Variants in DTNA observed in about 807,000 individuals in gnomAD.
DTNA encodes the protein dystrobrevin alpha.
A neutral mutation model predicts 100.7 loss-of-function variants in DTNA; 43 were observed. The observed-to-expected ratio is 0.43, with a 90% CI of 0.33 to 0.55. The LOEUF is 0.55. Ranked by LOEUF, DTNA falls within the 20% of genes least tolerant of loss-of-function variation. The pLI is 0.04. For missense variants in DTNA, 798 were observed against 953.9 expected (o/e 0.84, Z 2.15); for synonymous variants, 349 against 347.9 (o/e 1.00, Z -0.04).
At chr18:34,559,125 A>G (rs544265548) in intron 1 of DTNA, among the ~76,000 whole-genome samples, 3 of 152,324 alleles carry the variant, frequency 2.0e-5, no homozygotes, top group East Asian at 3.9e-4. Context: ...GATACCCATA[A>G]TGCCTGATTT....
chr18:34,494,430 T>G (rs2038954942), intron 1 of DTNA, among the ~76,000 whole-genome samples: 1 of 152,000 alleles, frequency 6.6e-6, no homozygotes, highest in African/African-American at 2.4e-5. Flanking sequence ...TGTTGCCCAC[T>G]TCGAAGTTTT....
At chr18:34,827,459 T>C (rs2095884795) in intron 9 of DTNA, 134 bp from the exon 10 acceptor site, 6 of 805,394 alleles carry the variant, frequency 7.4e-6, no homozygotes, top group African/African-American at 5.1e-5. Context: ...TTGGAAAATA[T>C]AAGATTTCTT....
At chr18:34,535,491 GTTTA>G (rs2043608640) in intron 1 of DTNA, among the ~76,000 whole-genome samples, 1 of 144,828 alleles carries the variant, frequency 6.9e-6, no homozygotes, top group Admixed American at 6.6e-5. Flanking sequence ...TAGCTCTTTA[GTTTA>G]ATTAGATCCC....
chr18:34,722,606 T>TACACACACACACACACAC (rs71166022), intron 1 of DTNA, among the ~76,000 whole-genome samples: 1,832 of 147,174 alleles, frequency 0.012, 17 homozygotes, highest in Non-Finnish European at 0.02. Context: ...TATATATACA[T>TACACACACACACACACAC]ACACACACAC....
intron 11 of DTNA, among the ~76,000 whole-genome samples, chr18:34,832,973 A>C (rs541652865): frequency 1.2e-4 from 19 of 152,180 alleles, no homozygotes; most frequent in Non-Finnish European, 2.4e-4. Context: ...AATGTCATAC[A>C]AGCTTATTAA....
intron 1 of DTNA, among the ~76,000 whole-genome samples, chr18:34,594,371 G>C (rs2050159796): frequency 6.6e-6 from 1 of 152,184 alleles, no homozygotes; most frequent in East Asian, 1.9e-4. Context: ...TCTGCTCTTA[G>C]AGACAGCTCT....
chr18:34,799,056 C>T (rs2095105270), intron 4 of DTNA, among the ~76,000 whole-genome samples: 2 of 152,208 alleles, frequency 1.3e-5, no homozygotes, highest in East Asian at 1.9e-4. Context: ...CATTCCTAAT[C>T]TTTCCAGTTT....
chr18:34,684,783 A>G (rs1276983152), intron 1 of DTNA, among the ~76,000 whole-genome samples: 1 of 152,024 alleles, frequency 6.6e-6, no homozygotes, highest in Non-Finnish European at 1.5e-5. Context: ...AAGCATTCCT[A>G]TTTCTCCACA....
chr18:34,862,303 GA>G (rs1374185539), intron 16 of DTNA, among the ~76,000 whole-genome samples: 1 of 151,664 alleles, frequency 6.6e-6, no homozygotes, highest in Admixed American at 6.6e-5. Context: ...TCTGGATTCA[GA>G]AAAGAAGCAA....
rs542549059 is a variant in DTNA at position 34,602,832 on chromosome 18, G to A, written c.-2+109318G>A. On this transcript the variant is annotated intron_variant, in intron 1 of 19. Coordinates refer to the DTNA transcript ENST00000283365. The stretch of plus-strand genomic sequence containing the variant: ...CAGCCTGGCCACATAGTGAAACCCC[G>A]TCTCTACTAAAAATAAAAAAATCAG... Among the ~76,000 whole-genome samples, 18 of 151,570 alleles carry A rather than the reference G, an allele frequency of 1.2e-4. No individual in the cohort carries two copies. The South Asian group carries it at 3.1e-3, about 26-fold the overall frequency.
intron 1 of DTNA, among the ~76,000 whole-genome samples, chr18:34,508,444 C>A (rs1265433348): frequency 2.6e-5 from 4 of 152,014 alleles, no homozygotes; most frequent in Non-Finnish European, 5.9e-5. Flanking sequence ...GACATCTTGG[C>A]TAAAAGCCTG....
At chr18:34,544,051 T>C (rs1210016059) in intron 1 of DTNA, among the ~76,000 whole-genome samples, 1 of 152,052 alleles carries the variant, frequency 6.6e-6, no homozygotes, top group Non-Finnish European at 1.5e-5. Flanking sequence ...TAGGTGTTAG[T>C]ACAGGAAAAT....
At chr18:34,726,195 A>G (rs905886277) in intron 1 of DTNA, among the ~76,000 whole-genome samples, 1 of 152,118 alleles carries the variant, frequency 6.6e-6, no homozygotes, top group Non-Finnish European at 1.5e-5. Context: ...ATGTATACCT[A>G]TGTAACAAAC....
intron 5 of DTNA, among the ~76,000 whole-genome samples, chr18:34,810,449 G>T (rs1002627980): frequency 2.6e-5 from 4 of 151,398 alleles, no homozygotes; most frequent in African/African-American, 7.3e-5. Context: ...GATAAATACT[G>T]CATGTTCTCA....
intron 1 of DTNA, among the ~76,000 whole-genome samples, chr18:34,610,437 C>A (rs918637826): frequency 6.6e-6 from 1 of 152,244 alleles, no homozygotes; most frequent in African/African-American, 2.4e-5. Context: ...AGTCCAGAAA[C>A]TTTATGACTT....
At chr18:34,554,200 C>T (rs1428332482) in intron 1 of DTNA, among the ~76,000 whole-genome samples, 5 of 134,116 alleles carry the variant, frequency 3.7e-5, no homozygotes, top group South Asian at 4.8e-4. Context: ...TATAAGAATG[C>T]TTGTGATTTT....
At chr18:34,741,363 A>G (rs117173697) in intron 1 of DTNA, among the ~76,000 whole-genome samples, 2,434 of 152,306 alleles carry the variant, frequency 0.016, 43 homozygotes, top group Non-Finnish European at 0.019. Flanking sequence ...CTATCATGAT[A>G]GCCACATATG....
chr18:34,853,961 C>T (rs1340844226), intron 15 of DTNA, among the ~76,000 whole-genome samples: 1 of 152,000 alleles, frequency 6.6e-6, no homozygotes, highest in Non-Finnish European at 1.5e-5. Flanking sequence ...GTAGGAGAAA[C>T]AACCCAAAAA....
intron 1 of DTNA, among the ~76,000 whole-genome samples, chr18:34,579,581 C>A (rs2048424673): frequency 6.6e-6 from 1 of 152,162 alleles, no homozygotes; most frequent in African/African-American, 2.4e-5. Context: ...TGCTTTCCTT[C>A]AATACTTTGC....
Sources: allele counts gnomAD v4.1 joint callset (sites outside exome capture counted in the v4.1 genomes callset), GRCh38; gene constraint gnomAD v4.1.1; transcripts MANE v1.5; gene names NCBI Gene and HGNC (gene_info 2026-07-23, HGNC 2026-07-21).